CCDC28A: variants seen among roughly 807,000 people sequenced by gnomAD.
CCDC28A encodes the protein coiled-coil domain containing 28A.
In CCDC28A, 24 loss-of-function variants were observed where a neutral mutation model predicts 22.1. The observed-to-expected ratio is 1.09, with a 90% CI of 0.79 to 1.53. The LOEUF is 1.53. Ranked by LOEUF, CCDC28A falls within the 40% of genes most tolerant of loss-of-function variation. The pLI is 0.00. For synonymous variants in CCDC28A, 83 were observed against 74.7 expected (o/e 1.11, Z -0.57); for missense variants, 170 against 210.7 (o/e 0.81, Z 1.20).
intron 2 of CCDC28A, among the ~76,000 whole-genome samples, chr6:138,779,618 T>C (rs531884811): frequency 1.3e-5 from 2 of 152,358 alleles, no homozygotes; most frequent in Middle Eastern, 3.4e-3. Context: ...TATATGCCTT[T>C]GTAGTTATAT....
chr6:138,788,588 TTTTC>T (rs1775128223), intron 5 of CCDC28A, among the ~76,000 whole-genome samples, 200 bp downstream of exon 5: 1 of 132,526 alleles, frequency 7.5e-6, no homozygotes, highest in African/African-American at 2.7e-5. Context: ...TTTTTTTTTT[TTTTC>T]AGAGACAGGG....
In CCDC28A at chr6:138,776,109, G is replaced by C. The variant is rs1236447162; in HGVS notation, c.-12G>C. 6.2e-7 allele frequency: 1 copy of C among 1,613,928 alleles called. No homozygotes were observed. The highest frequency in any genetic ancestry group is 8.5e-7 in the Non-Finnish European group (1 of 1,179,992). ...AAGAAGCTGGCCGTGGTGCAATAAG[G>C]AACTTAAAACAATGGAAGAGCGGAA... On this transcript the variant is annotated 5_prime_UTR_variant, in exon 2 of 6. Transcript: ENST00000617445.
intron 3 of CCDC28A, among the ~76,000 whole-genome samples, chr6:138,782,860 T>TA (rs1775039917): frequency 6.6e-6 from 1 of 152,230 alleles, no homozygotes; most frequent in Non-Finnish European, 1.5e-5. Context: ...TAATTTACAT[T>TA]AATTCATATT....
chr6:138,792,945 T>TAAAA lies in CCDC28A; in HGVS notation c.*142_*143insAAAA. On this transcript the variant is annotated 3_prime_UTR_variant, in exon 6 of 6. Transcript: ENST00000617445. Reference sequence around the variant, plus strand: ...AAGTTCAATGATCGTTTTCACTTACTGCTTTTAGTAAATGTGACTCGCTGT... The same window carrying TAAAA: ...AAGTTCAATGATCGTTTTCACTTACTAAAAGCTTTTAGTAAATGTGACTCGCTGT... The TAAAA allele has an allele frequency of 1.6e-6, 1 of 633,690 alleles. No homozygotes were observed. Among genetic ancestry groups the TAAAA allele is most frequent in the Non-Finnish European group, 2.8e-6 (1 of 355,726 alleles). The allele number at this position is 633,690 out of a possible 1,614,324, so 39.3% of individuals were successfully genotyped here. A position where few individuals can be genotyped will look rare whatever the true frequency, so the allele number is the denominator to read the frequency against.
chr6:138,788,810 C>CT (rs1269255708), intron 5 of CCDC28A, among the ~76,000 whole-genome samples: 1 of 151,902 alleles, frequency 6.6e-6, no homozygotes, highest in Non-Finnish European at 1.5e-5. Flanking sequence ...GTTTGTTCTG[C>CT]TTTGCTTTGT....
At chr6:138,789,539 T>C (rs1035590296) in intron 5 of CCDC28A, among the ~76,000 whole-genome samples, 1 of 152,190 alleles carries the variant, frequency 6.6e-6, no homozygotes, top group Non-Finnish European at 1.5e-5. Context: ...AATTAAGAAA[T>C]TGGGGCCTGG....
chr6:138,777,415 G>T (rs1774951282), intron 2 of CCDC28A, among the ~76,000 whole-genome samples: 1 of 152,202 alleles, frequency 6.6e-6, no homozygotes, highest in African/African-American at 2.4e-5. Context: ...TTTAATTAGG[G>T]TCAGATTTTG....
chr6:138,792,582 A>G (rs1468767448), intron 5 of CCDC28A, among the ~76,000 whole-genome samples, 167 bp from the exon 6 acceptor site: 1 of 152,220 alleles, frequency 6.6e-6, no homozygotes, highest in Non-Finnish European at 1.5e-5. Context: ...ACTACATTTA[A>G]AAGTTGTCTT....
intron 5 of CCDC28A, among the ~76,000 whole-genome samples, chr6:138,791,481 T>C (rs1469465443): frequency 6.6e-6 from 1 of 152,240 alleles, no homozygotes; most frequent in Non-Finnish European, 1.5e-5. Context: ...TTTCTATTTT[T>C]TACCATTTTT....
rs760669204 is a variant in CCDC28A at position 138,785,244 on chromosome 6, G to A, written c.340G>A (p.Glu114Lys). 1 of 1,612,476 alleles carries A rather than the reference G, an allele frequency of 6.2e-7. No homozygotes were observed. Reference protein sequence around the residue: ...LQAFGNECSIEQMEHVRGMQE... With the variant: ...LQAFGNECSIKQMEHVRGMQE... ...TTCCCAAGGAAATGAATGTTCCATT[G>A]AACAGATGGAACATGTTCGGGGAAT... The change falls in exon 4 of 6, where the codon GAA (glutamate) becomes AAA (lysine). Residue 114 changes from glutamate (E) to lysine (K), a missense_variant. By Grantham distance (56) the Glu-to-Lys change is moderately conservative (BLOSUM62 1). Transcript: ENST00000617445.
At chr6:138,792,606 G>A (rs1323304313) in intron 5 of CCDC28A, 143 bp from the exon 6 acceptor site, 2 of 644,358 alleles carry the variant, frequency 3.1e-6, no homozygotes, top group Non-Finnish European at 5.5e-6. Context: ...ACATCTGAGT[G>A]TCTCAGTAGC....
chr6:138,778,375 T>C (rs532816582), intron 2 of CCDC28A, among the ~76,000 whole-genome samples: 3 of 152,332 alleles, frequency 2.0e-5, no homozygotes, highest in African/African-American at 4.8e-5. Context: ...TGCTCACTTA[T>C]CACTTTTAGG....
chr6:138,780,720 A>G (rs1775005573), intron 3 of CCDC28A, among the ~76,000 whole-genome samples: 3 of 151,886 alleles, frequency 2.0e-5, no homozygotes, highest in South Asian at 2.1e-4. Flanking sequence ...GACTACAGCC[A>G]TGTGCCACGG....
chr6:138,776,683 CAT>C (rs972844588), intron 2 of CCDC28A, among the ~76,000 whole-genome samples: 3 of 150,676 alleles, frequency 2.0e-5, no homozygotes, highest in South Asian at 4.2e-4. Flanking sequence ...TACACACACA[CAT>C]ATATATATAT....
chr6:138,791,284 G>A (rs115659743), intron 5 of CCDC28A, among the ~76,000 whole-genome samples: 1,715 of 151,526 alleles, frequency 0.011, 24 homozygotes, highest in African/African-American at 0.04. Flanking sequence ...GTCTTGCTAT[G>A]TTGCCCAGAT....
At chr6:138,777,920 A>G (rs1234564111) in intron 2 of CCDC28A, among the ~76,000 whole-genome samples, 3 of 152,172 alleles carry the variant, frequency 2.0e-5, no homozygotes, top group East Asian at 3.8e-4. Flanking sequence ...TTTTTTTAGA[A>G]TACAAATTCC....
intron 2 of CCDC28A, among the ~76,000 whole-genome samples, chr6:138,777,612 CAG>C (rs1774955026): frequency 6.6e-6 from 1 of 152,204 alleles, no homozygotes; most frequent in South Asian, 2.1e-4. Context: ...GTGTGCCTGA[CAG>C]AACTTACAGT....
At chr6:138,792,594 C>A (rs951247228) in intron 5 of CCDC28A, among the ~76,000 whole-genome samples, 155 bp from the exon 6 acceptor site, 2 of 152,130 alleles carry the variant, frequency 1.3e-5, no homozygotes, top group African/African-American at 4.8e-5. Context: ...AGTTGTCTTA[C>A]CACATCTGAG....
Position 138,792,959 on chromosome 6 carries a change from G to A in CCDC28A, c.*156G>A. ...TTTTCACTTACTGCTTTTAGTAAAT[G>A]TGACTCGCTGTAATTCACCATAACT... On this transcript the variant is annotated 3_prime_UTR_variant, in exon 6 of 6. Coordinates refer to ENST00000617445, the MANE Select transcript of CCDC28A (RefSeq NM_015439.3). 4 of 614,148 alleles carry A rather than the reference G, an allele frequency of 6.5e-6. No homozygotes were observed. In the East Asian group the frequency reaches 8.5e-5, roughly 13 times the overall value. 38.0% of individuals were successfully genotyped at this position (614,148 alleles called of 1,614,324 possible). A position where few individuals can be genotyped will look rare whatever the true frequency, so the allele number is the denominator to read the frequency against.
Sources: gnomAD v4.1 joint callset for allele counts (sites outside exome capture counted in the v4.1 genomes callset) on GRCh38, gnomAD v4.1.1 for gene constraint, MANE v1.5 for transcripts, NCBI Gene and HGNC (gene_info 2026-07-23, HGNC 2026-07-21) for gene names.